CNTNAP2: variants seen among roughly 807,000 people sequenced by gnomAD.
The protein encoded by CNTNAP2 is contactin-associated protein-like 2.
In CNTNAP2, 98 loss-of-function variants were observed where a neutral mutation model predicts 155.2. The observed-to-expected ratio is 0.63, with a 90% CI of 0.54 to 0.75. The LOEUF is 0.75. CNTNAP2 is among the 30% of genes least tolerant of loss of function. The pLI is 0.00. For missense variants in CNTNAP2, 1,727 were observed against 1,688.1 expected (o/e 1.02, Z -0.40); for synonymous variants, 651 against 631.2 (o/e 1.03, Z -0.47).
At chr7:147,121,316 C>A in intron 6 of CNTNAP2, 153 bp downstream of exon 6, 2 of 697,114 alleles carry the variant, frequency 2.9e-6, no homozygotes, top group East Asian at 2.8e-5. Context: ...CTGATTAATT[C>A]GTTTCATTTT....
intron 10 of CNTNAP2, among the ~76,000 whole-genome samples, chr7:147,449,815 C>T (rs544969805): frequency 6.6e-6 from 1 of 152,306 alleles, no homozygotes; most frequent in East Asian, 1.9e-4. Flanking sequence ...TTTAGAAATT[C>T]AGATGTGAAA....
Position 147,542,893 on chromosome 7 carries a change from TAAAG to T in CNTNAP2, c.1778-19243_1778-19240del, listed in dbSNP as rs1224565059. On this transcript the variant is annotated intron_variant, in intron 11 of 23. Transcript: ENST00000361727. ...GTATTTAAATATTTCAATCTTTTCT[TAAAG>T]AGAGATTCCAAAATGACATTAAATT... is the stretch of plus-strand genomic sequence containing the variant. Among the ~76,000 whole-genome samples the T allele has an allele frequency of 1.8e-4, 27 of 152,308 alleles. No homozygotes were observed. The South Asian group carries it at 5.4e-3, about 30-fold the overall frequency.
intron 21 of CNTNAP2, among the ~76,000 whole-genome samples, chr7:148,287,098 G>A (rs554227161): frequency 4.6e-5 from 7 of 152,130 alleles, no homozygotes; most frequent in Non-Finnish European, 7.4e-5. Flanking sequence ...CTCCTTGCCC[G>A]GTCCCCAGGC....
At chr7:148,131,553 G>C (rs1371166459) in intron 16 of CNTNAP2, among the ~76,000 whole-genome samples, 1 of 152,152 alleles carries the variant, frequency 6.6e-6, no homozygotes, top group Non-Finnish European at 1.5e-5. Flanking sequence ...AATCAAAGAA[G>C]TTTGAATTCA....
chr7:147,502,334 G>T (rs2116670659), intron 11 of CNTNAP2, among the ~76,000 whole-genome samples: 1 of 152,296 alleles, frequency 6.6e-6, no homozygotes, highest in South Asian at 2.1e-4. Flanking sequence ...AAAGTCATTT[G>T]TGACAACATG....
At chr7:148,337,629 T>TA (rs1414164209) in intron 21 of CNTNAP2, among the ~76,000 whole-genome samples, 1 of 152,244 alleles carries the variant, frequency 6.6e-6, no homozygotes, top group Non-Finnish European at 1.5e-5. Context: ...AGAGCTTTGT[T>TA]ACCAGCTACT....
chr7:146,216,669 A>G (rs1799119047), intron 1 of CNTNAP2, among the ~76,000 whole-genome samples: 2 of 152,190 alleles, frequency 1.3e-5, no homozygotes, highest in South Asian at 4.1e-4. Flanking sequence ...TTCTCTAGAA[A>G]ATCTGTTTTC....
intron 18 of CNTNAP2, among the ~76,000 whole-genome samples, chr7:148,198,194 C>G (rs1039439666): frequency 1.3e-5 from 2 of 152,164 alleles, no homozygotes; most frequent in East Asian, 1.9e-4. Flanking sequence ...GCCACCACCC[C>G]CCATGGCAGC....
intron 8 of CNTNAP2, among the ~76,000 whole-genome samples, chr7:147,297,777 C>A (rs752253348): frequency 4.8e-5 from 7 of 146,842 alleles, no homozygotes; most frequent in Admixed American, 7.0e-5. Context: ...AGAGTGAAAT[C>A]AGAGGAACAA....
At chr7:146,404,431 C>T (rs1363701309) in intron 1 of CNTNAP2, among the ~76,000 whole-genome samples, 8 of 152,160 alleles carry the variant, frequency 5.3e-5, no homozygotes, top group Admixed American at 5.2e-4. Context: ...TCCGCAGCAA[C>T]ATCCTTAATG....
chr7:147,360,162 C>T (rs1796124150), intron 9 of CNTNAP2, among the ~76,000 whole-genome samples: 1 of 152,102 alleles, frequency 6.6e-6, no homozygotes, highest in Non-Finnish European at 1.5e-5. Flanking sequence ...CAAGCTTTGA[C>T]CTAATTTGTT....
intron 1 of CNTNAP2, among the ~76,000 whole-genome samples, chr7:146,598,464 C>A (rs1314899826): frequency 6.6e-6 from 1 of 152,070 alleles, no homozygotes; most frequent in African/African-American, 2.4e-5. Flanking sequence ...GTTTTGAACA[C>A]CTCAAGTTTA....
intron 21 of CNTNAP2, among the ~76,000 whole-genome samples, chr7:148,338,551 TGGGGGGGTGAG>T (rs1257886577): frequency 6.7e-6 from 1 of 148,806 alleles, no homozygotes; most frequent in Admixed American, 6.7e-5. Flanking sequence ...AATTGGGGCG[TGGGGGGGTGAG>T]GGGGGGGTGA....
rs1057206955 is a variant in CNTNAP2 at position 147,565,286 on chromosome 7, G to A, written c.1897+3029G>A. ...GCTGGAACATAGTGAGCGTAAGAGA[G>A]TGACTCAAAATAAAGCAGGGGAAAG... On this transcript the variant is annotated intron_variant, in intron 12 of 23. Transcript: ENST00000361727. Among the ~76,000 whole-genome samples the A allele has an allele frequency of 5.9e-5, 9 of 152,264 alleles. No homozygotes were observed. The South Asian group carries it at 1.9e-3, about 32-fold the overall frequency.
intron 3 of CNTNAP2, among the ~76,000 whole-genome samples, chr7:146,876,768 T>C (rs955223562): frequency 7.7e-4 from 118 of 152,294 alleles, no homozygotes; most frequent in African/African-American, 2.8e-3. Context: ...ATACACATTA[T>C]TGGGTCAAAA....
intron 10 of CNTNAP2, among the ~76,000 whole-genome samples, chr7:147,448,676 A>G (rs1002899474): frequency 1.3e-5 from 2 of 152,018 alleles, no homozygotes; most frequent in African/African-American, 2.4e-5. Context: ...GGTCATATAC[A>G]TATACACAAC....
chr7:147,121,653 G>A (rs1801113787), intron 6 of CNTNAP2: 1 of 154,482 alleles, frequency 6.5e-6, no homozygotes, highest in Non-Finnish European at 1.4e-5. Flanking sequence ...TATCACAAAA[G>A]CAATAAAGTA....
At chr7:147,676,034 G>A (rs1021401173) in intron 13 of CNTNAP2, among the ~76,000 whole-genome samples, 1 of 151,968 alleles carries the variant, frequency 6.6e-6, no homozygotes, top group African/African-American at 2.4e-5. Context: ...CCAATAAATG[G>A]CCATTGTTAA....
chr7:148,222,854 G>A (rs1018348838), intron 19 of CNTNAP2, among the ~76,000 whole-genome samples: 4 of 152,184 alleles, frequency 2.6e-5, no homozygotes, highest in Non-Finnish European at 5.9e-5. Context: ...GGCCTGTAGA[G>A]CTGGACCGTC....
Sources: allele counts gnomAD v4.1 joint callset (sites outside exome capture counted in the v4.1 genomes callset), GRCh38; gene constraint gnomAD v4.1.1; transcripts MANE v1.5; gene names NCBI Gene and HGNC (gene_info 2026-07-23, HGNC 2026-07-21).